TMEM132D: variants seen among roughly 807,000 people sequenced by gnomAD.
The protein encoded by TMEM132D is mature OL transmembrane protein.
In TMEM132D, 21 loss-of-function variants were observed where a neutral mutation model predicts 62.3. That is an observed-to-expected ratio of 0.34 (90% confidence interval 0.24 to 0.49). The LOEUF (loss-of-function observed/expected upper bound fraction) is 0.49, where lower values mean the gene tolerates loss of function less well. TMEM132D is among the 20% of genes least tolerant of loss of function. TMEM132D has a pLI of 0.99. For synonymous variants in TMEM132D, 621 were observed against 575.6 expected, an observed-to-expected ratio of 1.08 and a Z score of -1.13; for missense variants, 1,346 against 1,402.8, an observed-to-expected ratio of 0.96 and a Z score of 0.65.
chr12:129,821,576 C>T (rs780504892), intron 1 of TMEM132D, among the ~76,000 whole-genome samples: 1 of 152,182 alleles, frequency 6.6e-6, no homozygotes, highest in African/African-American at 2.4e-5. Context: ...AGGCAGGCCT[C>T]AAAAACCCAT....
At chr12:129,222,160 C>T (rs1039716166) in intron 4 of TMEM132D, among the ~76,000 whole-genome samples, 1 of 152,144 alleles carries the variant, frequency 6.6e-6, no homozygotes, top group African/African-American at 2.4e-5. Flanking sequence ...GGGGAGGCAG[C>T]AAGATTTTAT....
At chr12:129,482,991 G>GTGTGTGTGTGT (rs1874476499) in intron 3 of TMEM132D, among the ~76,000 whole-genome samples, 1 of 147,266 alleles carries the variant, frequency 6.8e-6, no homozygotes, top group Non-Finnish European at 1.5e-5. Context: ...GTGTGTGTGT[G>GTGTGTGTGTGT]GAAGAGGATG....
chr12:129,723,513 A>AG (rs1868919088), intron 1 of TMEM132D, among the ~76,000 whole-genome samples: 1 of 152,182 alleles, frequency 6.6e-6, no homozygotes, highest in African/African-American at 2.4e-5. Context: ...GCGGACAAAG[A>AG]GGTCGGATAT....
intron 3 of TMEM132D, among the ~76,000 whole-genome samples, chr12:129,424,624 C>T (rs997532146): frequency 1.4e-5 from 2 of 139,018 alleles, no homozygotes; most frequent in South Asian, 4.9e-4. Context: ...AGGAGAATGG[C>T]GTGAACCCGG....
At chr12:129,315,795 T>C (rs924039915) in intron 4 of TMEM132D, among the ~76,000 whole-genome samples, 1 of 152,140 alleles carries the variant, frequency 6.6e-6, no homozygotes, top group African/African-American at 2.4e-5. Context: ...TGGTAATTTT[T>C]AAATTACCAT....
At chr12:129,335,681 AT>A (rs1869248135) in intron 4 of TMEM132D, among the ~76,000 whole-genome samples, 1 of 152,170 alleles carries the variant, frequency 6.6e-6, no homozygotes, top group Non-Finnish European at 1.5e-5. Context: ...TCAAGTGGAA[AT>A]AAAGGAGAAT....
rs927169674 is a variant in TMEM132D at position 129,338,695 on chromosome 12, C to T, written c.1116-878G>A. Among the ~76,000 whole-genome samples, 9 of 152,172 alleles carry T rather than the reference C, an allele frequency of 5.9e-5. No homozygotes were observed. The South Asian group carries it at 1.4e-3, about 24-fold the overall frequency. ...AGCCTCAGTGGCCAAACAACGTCTA[C>T]GTGTCAGATCTATTTCTAAAAGATT... is the stretch of plus-strand genomic sequence containing the variant. On this transcript the variant is annotated intron_variant, in intron 3 of 8. Coordinates refer to ENST00000422113, the MANE Select transcript of TMEM132D (RefSeq NM_133448.3).
intron 4 of TMEM132D, among the ~76,000 whole-genome samples, chr12:129,257,184 C>A (rs1880426086): frequency 6.6e-6 from 1 of 150,608 alleles, no homozygotes; most frequent in African/African-American, 2.4e-5. Flanking sequence ...TATGGGCATC[C>A]AGGCATCCCC....
intron 2 of TMEM132D, among the ~76,000 whole-genome samples, chr12:129,668,506 T>G (rs557849907): frequency 6.6e-5 from 10 of 151,988 alleles, no homozygotes; most frequent in Admixed American, 5.2e-4. Flanking sequence ...GCCATTGGAA[T>G]AGAGGAAAAA....
At chr12:129,360,201 A>T (rs545588946) in intron 3 of TMEM132D, among the ~76,000 whole-genome samples, 2 of 152,128 alleles carry the variant, frequency 1.3e-5, no homozygotes, top group Non-Finnish European at 2.9e-5. Flanking sequence ...AGCCAGAGAC[A>T]CACCCCACAA....
At chr12:129,555,648 C>T (rs1877034453) in intron 2 of TMEM132D, among the ~76,000 whole-genome samples, 1 of 152,154 alleles carries the variant, frequency 6.6e-6, no homozygotes, top group African/African-American at 2.4e-5. Flanking sequence ...GTGTGACATG[C>T]CCATCAATGT....
chr12:129,471,015 G>A (rs959368265), intron 3 of TMEM132D, among the ~76,000 whole-genome samples: 8 of 152,120 alleles, frequency 5.3e-5, no homozygotes, highest in Non-Finnish European at 1.0e-4. Flanking sequence ...TGGGATCTAG[G>A]AAAGCTGACC....
chr12:129,677,297 C>G (rs1261742180), intron 2 of TMEM132D, among the ~76,000 whole-genome samples: 10 of 152,156 alleles, frequency 6.6e-5, no homozygotes, highest in Non-Finnish European at 1.5e-5. Context: ...GAGTTTCCCT[C>G]CACAAGCTCT....
chr12:129,225,847 C>T (rs1473392765), intron 4 of TMEM132D, among the ~76,000 whole-genome samples: 2 of 152,166 alleles, frequency 1.3e-5, no homozygotes, highest in African/African-American at 2.4e-5. Context: ...CAGGAACCTG[C>T]TGTTTACCCA....
intron 4 of TMEM132D, among the ~76,000 whole-genome samples, chr12:129,314,738 C>T (rs1355364605): frequency 6.6e-6 from 1 of 152,144 alleles, no homozygotes. Flanking sequence ...AATATTGATT[C>T]TACACATCCA....
chr12:129,108,015 C>T (rs1875557780), intron 5 of TMEM132D, among the ~76,000 whole-genome samples: 2 of 152,138 alleles, frequency 1.3e-5, no homozygotes, highest in African/African-American at 4.8e-5. Context: ...AATTCTTTGT[C>T]ACAAGAGCCT....
At chr12:129,486,279 C>T (rs552239959) in intron 3 of TMEM132D, among the ~76,000 whole-genome samples, 2 of 152,292 alleles carry the variant, frequency 1.3e-5, no homozygotes, top group South Asian at 4.2e-4. Context: ...CTTTTTCTTT[C>T]CTTTACTGGT....
chr12:129,209,887 G>A, intron 4 of TMEM132D: 2 of 561,702 alleles, frequency 3.6e-6, no homozygotes, highest in Non-Finnish European at 6.3e-6. Context: ...GGGAAGGGGT[G>A]GAGGACAGAA....
intron 3 of TMEM132D, among the ~76,000 whole-genome samples, chr12:129,395,016 C>T (rs1871383771): frequency 6.6e-6 from 1 of 152,186 alleles, no homozygotes. Flanking sequence ...AAAAGAATCA[C>T]ATGGAGGCTA....
Sources: allele counts gnomAD v4.1 joint callset (sites outside exome capture counted in the v4.1 genomes callset), GRCh38; gene constraint gnomAD v4.1.1; transcripts MANE v1.5; gene names NCBI Gene and HGNC (gene_info 2026-07-23, HGNC 2026-07-21).